TRIM58: variants seen among roughly 807,000 people sequenced by gnomAD.
TRIM58 encodes the protein E3 ubiquitin-protein ligase TRIM58.
In TRIM58, 38 loss-of-function variants were observed where a neutral mutation model predicts 34.1. The observed-to-expected ratio is 1.12, with a 90% CI of 0.86 to 1.46. The LOEUF is 1.46. Among genes scored for constraint, TRIM58 ranks in the 40% most tolerant of loss-of-function variants. The probability of loss-of-function intolerance (pLI) is 0.00; values close to 1 mark genes in which losing one functional copy is unlikely to be tolerated. For missense variants in TRIM58, 677 were observed against 642.0 expected, an observed-to-expected ratio of 1.05 and a Z score of -0.59; for synonymous variants, 273 against 275.7, an observed-to-expected ratio of 0.99 and a Z score of 0.10.
rs1659279517 is a variant in TRIM58 at position 247,876,111 on chromosome 1, G to C, written c.1083G>C (p.Gly361=). Residue 361 remains glycine (G), a synonymous_variant, in exon 6 of 6, where the codon GGG becomes GGC. Transcript: ENST00000366481. The stretch of plus-strand genomic sequence containing the variant: ...GAGAAGGAGCAGAGTGGGGTTTAGG[G>C]GTCTGTCAAGACACACTGCCAAGAA... ...LVGEGAEWGL[G]VCQDTLPRKG... is the part of the protein sequence containing the mutation. 6.2e-7 allele frequency: 1 copy of C among 1,614,122 alleles called. No homozygotes were observed. The highest frequency in any genetic ancestry group is 8.5e-7 in the Non-Finnish European group (1 of 1,180,024).
Position 247,876,591 on chromosome 1 carries a change from C to A in TRIM58, c.*102C>A. ...TTAACAGATACCCCATTTAGGTCAG[C>A]ACTTGATTCGTTGTTGCTGTGAAAT... On this transcript the variant is annotated 3_prime_UTR_variant, in exon 6 of 6. Coordinates refer to ENST00000366481, the MANE Select transcript of TRIM58 (RefSeq NM_015431.4). 1 of 845,070 alleles carries A rather than the reference C, an allele frequency of 1.2e-6. No homozygotes were observed. Among genetic ancestry groups the A allele is most frequent in the Non-Finnish European group, 1.8e-6 (1 of 553,332 alleles). The allele number at this position is 845,070 out of a possible 1,614,324, so 52.3% of individuals were successfully genotyped here.
intron 5 of TRIM58, among the ~76,000 whole-genome samples, chr1:247,871,787 C>T (rs900490588): frequency 9.2e-5 from 14 of 152,138 alleles, no homozygotes; most frequent in South Asian, 2.1e-4. Flanking sequence ...CTCTACAATC[C>T]GTAGCTTTGT....
intron 5 of TRIM58, among the ~76,000 whole-genome samples, chr1:247,874,995 C>T (rs1313007503): frequency 6.6e-6 from 1 of 152,164 alleles, no homozygotes; most frequent in African/African-American, 2.4e-5. Context: ...AGAGGTCACT[C>T]GTTTGTCTCT....
intron 5 of TRIM58, among the ~76,000 whole-genome samples, chr1:247,871,933 C>T (rs1002791434): frequency 6.6e-6 from 1 of 152,214 alleles, no homozygotes; most frequent in African/African-American, 2.4e-5. Flanking sequence ...AGACCCCGCC[C>T]TGCAGGGGAT....
At chr1:247,867,699 A>T (rs878881445) in intron 3 of TRIM58, 146 bp from the exon 4 acceptor site, 3 of 992,756 alleles carry the variant, frequency 3.0e-6, no homozygotes, top group Non-Finnish European at 4.5e-6. Context: ...TCAAAAAAAA[A>T]ATAGAAAAGA....
rs570570203 is a variant in TRIM58 at position 247,876,562 on chromosome 1, A to C, written c.*73A>C. 1 of 1,163,632 alleles carries C rather than the reference A, an allele frequency of 8.6e-7. No homozygotes were observed. Among genetic ancestry groups the C allele is most frequent in the African/African-American group, 1.5e-5 (1 of 64,774 alleles). 72.1% of individuals were successfully genotyped at this position (1,163,632 alleles called of 1,614,324 possible). On this transcript the variant is annotated 3_prime_UTR_variant, in exon 6 of 6. Coordinates refer to ENST00000366481, the MANE Select transcript of TRIM58 (RefSeq NM_015431.4). ...TGGGGTGAAGGATATCAATATACTA[A>C]GTTTTAACAGATACCCCATTTAGGT... is the stretch of plus-strand genomic sequence containing the variant.
At chr1:247,862,983 C>T (rs1663831177) in intron 2 of TRIM58, among the ~76,000 whole-genome samples, 2 of 152,132 alleles carry the variant, frequency 1.3e-5, no homozygotes, top group Non-Finnish European at 2.9e-5. Context: ...CGTTATTTGC[C>T]CCACCCCACG....
intron 5 of TRIM58, among the ~76,000 whole-genome samples, chr1:247,871,028 C>G (rs1017769555): frequency 2.7e-5 from 4 of 149,310 alleles, no homozygotes; most frequent in African/African-American, 9.9e-5. Context: ...CCCAGAAGAA[C>G]GAGGATTAGT....
chr1:247,864,008 TTCA>T (rs1435176273), intron 2 of TRIM58, among the ~76,000 whole-genome samples: 1 of 152,200 alleles, frequency 6.6e-6, no homozygotes, highest in African/African-American at 2.4e-5. Flanking sequence ...CAAACATTTC[TTCA>T]TCATTCAGTT....
At chr1:247,869,146 T>C (rs1012425311) in intron 5 of TRIM58, among the ~76,000 whole-genome samples, 5 of 152,318 alleles carry the variant, frequency 3.3e-5, no homozygotes, top group East Asian at 1.9e-4. Flanking sequence ...ATGATCTGCC[T>C]GCCTCGGCCT....
Position 247,860,747 on chromosome 1 carries a change from G to GT in TRIM58, c.516+38dup, listed in dbSNP as rs752860281. The GT allele has an allele frequency of 2.0e-6, 3 of 1,507,274 alleles. No individual in the cohort carries two copies. The African/African-American group carries it at 4.1e-5, about 21-fold the overall frequency. 93.4% of individuals were successfully genotyped at this position (1,507,274 alleles called of 1,614,324 possible). A position where few individuals can be genotyped will look rare whatever the true frequency, so the allele number is the denominator to read the frequency against. ...TGTTGGGGCTTTAGGAGGCTTGCCT[G>GT]TTTGAAGGATCCAGATTCGGGTCAG... On this transcript the variant is annotated intron_variant, in intron 2 of 5. Coordinates refer to ENST00000366481, the MANE Select transcript of TRIM58 (RefSeq NM_015431.4).
rs1027453233 is a variant in TRIM58, at chr1:247,872,254, A to C, written c.872-3646A>C. Among the ~76,000 whole-genome samples the C allele has an allele frequency of 2.6e-5, 4 of 152,332 alleles. No individual in the cohort carries two copies. The South Asian group carries it at 6.2e-4, about 24-fold the overall frequency. On this transcript the variant is annotated intron_variant, in intron 5 of 5. Coordinates refer to ENST00000366481, the MANE Select transcript of TRIM58 (RefSeq NM_015431.4). Reference sequence around the variant, plus strand: ...GCTTTCTTGTAAGTAAATTACAGAGAGGAGAAGATTGACATGGGAAAAGCA... The same window carrying C: ...GCTTTCTTGTAAGTAAATTACAGAGCGGAGAAGATTGACATGGGAAAAGCA...
chr1:247,876,342 A>C lies in TRIM58; in HGVS notation c.1314A>C (p.Gln438His), dbSNP rs373573748. The change falls in exon 6 of 6, where the codon CAA (glutamine) becomes CAC (histidine). Residue 438 changes from glutamine to histidine, a missense_variant. Physicochemically the swap from Gln to His is conservative, Grantham distance 24. Coordinates refer to ENST00000366481, the MANE Select transcript of TRIM58 (RefSeq NM_015431.4). ...TDGSYIYTFN[Q>H]LFSGLLRPYF... The stretch of plus-strand genomic sequence containing the variant: ...GATCTTATATCTACACATTCAACCA[A>C]CTCTTCTCTGGTCTTCTTCGGCCTT... 1.9e-6 allele frequency: 3 copies of C among 1,613,562 alleles called. No individual in the cohort carries two copies. The highest frequency in any genetic ancestry group is 3.3e-4 in the Middle Eastern group (2 of 6,084).
At chr1:247,859,014 C>T (rs1037780986) in intron 1 of TRIM58, among the ~76,000 whole-genome samples, 17 of 151,978 alleles carry the variant, frequency 1.1e-4, no homozygotes, top group Non-Finnish European at 1.9e-4. Flanking sequence ...ATCCATCCGC[C>T]GTGGCCTCCC....
rs1417013640 is a variant in TRIM58, at chr1:247,877,532, A to G, written c.*1043A>G. 6 of 152,178 alleles carry G rather than the reference A, an allele frequency of 3.9e-5. No individual in the cohort carries two copies. Among genetic ancestry groups the G allele is most frequent in the Admixed American group, 3.9e-4 (6 of 15,276 alleles). The allele number at this position is 152,178 out of a possible 1,614,324, so 9.4% of individuals were successfully genotyped here. ...TGGAGGCGGAGGTTGCAGTGAGCCA[A>G]TATCTCACCACTGTACTCCAGCCCA... On this transcript the variant is annotated 3_prime_UTR_variant, in exon 6 of 6. Transcript: ENST00000366481.
At chr1:247,865,187 A>G (rs537342457) in intron 3 of TRIM58, among the ~76,000 whole-genome samples, 1 of 152,266 alleles carries the variant, frequency 6.6e-6, no homozygotes, top group African/African-American at 2.4e-5. Context: ...CCCAGTTATT[A>G]GGGAGGCTGA....
chr1:247,861,653 C>G (rs1306473761), intron 2 of TRIM58, among the ~76,000 whole-genome samples: 1 of 151,948 alleles, frequency 6.6e-6, no homozygotes, highest in Non-Finnish European at 1.5e-5. Context: ...TCTGATCACT[C>G]TATATATTTA....
In TRIM58 at chr1:247,876,215, C is replaced by T. The variant is rs746692208; in HGVS notation, c.1187C>T (p.Ala396Val). 6.2e-7 allele frequency: 1 copy of T among 1,614,216 alleles called. No homozygotes were observed. Among genetic ancestry groups the T allele is most frequent in the Admixed American group, 1.7e-5 (1 of 60,036 alleles). The change falls in exon 6 of 6, where the codon GCC becomes GTC. Residue 396 changes from alanine (A) to valine (V), a missense_variant. Coordinates refer to ENST00000366481, the MANE Select transcript of TRIM58 (RefSeq NM_015431.4). ...AAAGGGAATGAGTACATGGTCCTTG[C>T]CTCCCCATCAGTGCCTCTTCTCCAA... ...LLKGNEYMVL[A>V]SPSVPLLQLE...
intron 3 of TRIM58, among the ~76,000 whole-genome samples, chr1:247,867,366 G>A (rs1663954379): frequency 6.6e-6 from 1 of 152,140 alleles, no homozygotes; most frequent in Non-Finnish European, 1.5e-5. Context: ...GATAGGTGTT[G>A]CAGGAATTAA....
Sources: gnomAD v4.1 joint callset for allele counts (sites outside exome capture counted in the v4.1 genomes callset) on GRCh38, gnomAD v4.1.1 for gene constraint, MANE v1.5 for transcripts, NCBI Gene and HGNC (gene_info 2026-07-23, HGNC 2026-07-21) for gene names.